Variants in TRPC5 observed in about 807,000 individuals in gnomAD.
TRPC5 encodes the protein transient receptor potential cation channel subfamily C member 5.
In TRPC5, 9 loss-of-function variants were observed where a neutral mutation model predicts 56.5. That is an observed-to-expected ratio of 0.16 (90% CI 0.10 to 0.28). The LOEUF (loss-of-function observed/expected upper bound fraction) is 0.28, where lower values mean the gene tolerates loss of function less well. Ranked by LOEUF, TRPC5 falls within the 10% of genes least tolerant of loss-of-function variation. The probability of loss-of-function intolerance (pLI) is 1.00; values close to 1 mark genes in which losing one functional copy is unlikely to be tolerated. For synonymous variants in TRPC5, 282 were observed against 278.5 expected (o/e 1.01, Z -0.13); for missense variants, 469 against 748.9 (o/e 0.63, Z 4.36).
At chrX:111,947,436 A>C (rs1926959155) in intron 2 of TRPC5, among the ~76,000 whole-genome samples, 1 of 111,433 alleles carries the variant, frequency 9.0e-6, no homozygotes, top group Non-Finnish European at 1.9e-5. Flanking sequence ...TCCTGGGTTC[A>C]AGCGATTCTC....
At chrX:112,064,812 C>T (rs1005256859) in intron 1 of TRPC5, among the ~76,000 whole-genome samples, 10 of 112,144 alleles carry the variant, frequency 8.9e-5, no homozygotes, top group South Asian at 3.7e-4. Context: ...CAGTGGCTCA[C>T]GCCTGTAATC....
chrX:111,983,202 C>T (rs1434471546), intron 1 of TRPC5, among the ~76,000 whole-genome samples: 2 of 111,447 alleles, frequency 1.8e-5, no homozygotes, highest in African/African-American at 6.5e-5. Context: ...ATAGTTTTTG[C>T]AGGAGGTATT....
intron 1 of TRPC5, among the ~76,000 whole-genome samples, chrX:112,021,516 T>G (rs774493230): frequency 3.0e-4 from 34 of 112,179 alleles, no homozygotes; most frequent in Non-Finnish European, 3.6e-4. Flanking sequence ...GAATCTCTAC[T>G]GAGAAACTGC....
rs1389007060 is a variant in TRPC5, at chrX:111,776,017, C to G, written c.*296G>C. On this transcript the variant is annotated 3_prime_UTR_variant, in exon 11 of 11. Transcript: ENST00000262839. ...TTCAAGGAAGCATGGGTGAGAAAAG[C>G]AAAGCAAAAAGGTTAAGCACCCAAC... is the stretch of plus-strand genomic sequence containing the variant. 4 of 213,310 alleles carry G rather than the reference C, an allele frequency of 1.9e-5. No homozygotes were observed. Among genetic ancestry groups the G allele is most frequent in the African/African-American group, 8.8e-5 (3 of 34,258 alleles). The allele number at this position is 213,310 out of a possible 1,213,427, so 17.6% of individuals were successfully genotyped here. A position where few individuals can be genotyped will look rare whatever the true frequency, so the allele number is the denominator to read the frequency against.
At chrX:111,868,157 GTCACCAC>G (rs1199361760) in intron 3 of TRPC5, among the ~76,000 whole-genome samples, 1 of 111,490 alleles carries the variant, frequency 9.0e-6, no homozygotes, top group African/African-American at 3.3e-5. Context: ...AATTAATTGA[GTCACCAC>G]TCCTTGAGGA....
intron 1 of TRPC5, among the ~76,000 whole-genome samples, chrX:112,066,492 G>A (rs182674217): frequency 8.9e-6 from 1 of 111,994 alleles, no homozygotes; most frequent in Non-Finnish European, 1.9e-5. Context: ...AACATGGTAG[G>A]TGTAGAGTTT....
chrX:112,023,248 T>TTA (rs1341253581), intron 1 of TRPC5, among the ~76,000 whole-genome samples: 6 of 79,389 alleles, frequency 7.6e-5, no homozygotes, highest in Non-Finnish European at 1.4e-4. Flanking sequence ...TTTTTTTTGT[T>TTA]TTTTTTTTTT....
intron 3 of TRPC5, among the ~76,000 whole-genome samples, chrX:111,905,830 G>A (rs1334153742): frequency 9.4e-6 from 1 of 106,888 alleles, no homozygotes; most frequent in African/African-American, 3.5e-5. Flanking sequence ...CAGGAGAATG[G>A]CGTGAACCTG....
chrX:111,986,186 CT>C (rs1324942129), intron 1 of TRPC5, among the ~76,000 whole-genome samples: 1 of 110,889 alleles, frequency 9.0e-6, no homozygotes, highest in African/African-American at 3.3e-5. Context: ...CACTGGAGGC[CT>C]TTTGGTCCTT....
chrX:111,787,741 G>A (rs1222246928), intron 7 of TRPC5, among the ~76,000 whole-genome samples: 17 of 111,286 alleles, frequency 1.5e-4, no homozygotes, highest in African/African-American at 5.6e-4. Context: ...ATCACCACTG[G>A]TCCCACAGAA....
At chrX:111,945,206 T>C (rs1172945786) in intron 2 of TRPC5, among the ~76,000 whole-genome samples, 1 of 109,020 alleles carries the variant, frequency 9.2e-6, no homozygotes, top group African/African-American at 3.3e-5. Flanking sequence ...TTGCTCTCCC[T>C]GATAACAGTA....
intron 7 of TRPC5, among the ~76,000 whole-genome samples, chrX:111,795,219 AT>A (rs778883826): frequency 9.0e-6 from 1 of 110,546 alleles, no homozygotes. Context: ...TTTATTACTG[AT>A]TTTAGACAAA....
chrX:111,929,228 C>T (rs1926340566), intron 2 of TRPC5, among the ~76,000 whole-genome samples: 1 of 111,968 alleles, frequency 8.9e-6, no homozygotes. Context: ...CCCTAGCTCC[C>T]AGCCAACTCT....
intron 1 of TRPC5, among the ~76,000 whole-genome samples, chrX:111,965,985 G>C (rs750361690): frequency 9.0e-6 from 1 of 111,695 alleles, no homozygotes; most frequent in East Asian, 2.8e-4. Flanking sequence ...AATCAGAGCA[G>C]AACTGAAGGA....
At chrX:112,043,530 C>T (rs888541022) in intron 1 of TRPC5, among the ~76,000 whole-genome samples, 2 of 109,375 alleles carry the variant, frequency 1.8e-5, no homozygotes, top group Non-Finnish European at 3.8e-5. Flanking sequence ...TAGTTGCTAT[C>T]ATTTTAAGAC....
intron 3 of TRPC5, among the ~76,000 whole-genome samples, 192 bp from the exon 4 acceptor site, chrX:111,854,298 A>G (rs1352163106): frequency 2.7e-5 from 3 of 111,979 alleles, no homozygotes; most frequent in Non-Finnish European, 3.8e-5. Flanking sequence ...CTATGAAACT[A>G]GATTTTCCTT....
At chrX:111,905,357 A>G (rs1217010707) in intron 3 of TRPC5, among the ~76,000 whole-genome samples, 1 of 107,743 alleles carries the variant, frequency 9.3e-6, no homozygotes, top group Non-Finnish European at 1.9e-5. Context: ...CCAACTAACC[A>G]ACCAACCAAC....
chrX:111,940,547 C>T (rs144142391), intron 2 of TRPC5, among the ~76,000 whole-genome samples: 8 of 108,612 alleles, frequency 7.4e-5, no homozygotes, highest in Non-Finnish European at 1.1e-4. Flanking sequence ...AAAAATTAGC[C>T]GGGTGTGGTG....
chrX:111,892,016 A>G (rs1924831510), intron 3 of TRPC5, among the ~76,000 whole-genome samples: 1 of 112,155 alleles, frequency 8.9e-6, no homozygotes, highest in Non-Finnish European at 1.9e-5. Flanking sequence ...GGCATTAAGC[A>G]CATTTGCAGG....
Sources: gnomAD v4.1 joint callset for allele counts (sites outside exome capture counted in the v4.1 genomes callset) on GRCh38, gnomAD v4.1.1 for gene constraint, MANE v1.5 for transcripts, NCBI Gene and HGNC (gene_info 2026-07-23, HGNC 2026-07-21) for gene names.